STAG2: variants seen among roughly 807,000 people sequenced by gnomAD.
The protein encoded by STAG2 is STAG2 cohesin complex component, also known as cohesin subunit SA-2.
STAG2 carries 14 observed loss-of-function variants against 108.1 expected under a neutral mutation model. That is an observed-to-expected ratio of 0.13 (90% CI 0.09 to 0.20). STAG2 has a LOEUF of 0.20. STAG2 is among the 10% of genes least tolerant of loss of function. The probability of loss-of-function intolerance (pLI) is 1.00; values close to 1 mark genes in which losing one functional copy is unlikely to be tolerated. For synonymous variants in STAG2, 307 were observed against 302.7 expected, an observed-to-expected ratio of 1.01 and a Z score of -0.15; for missense variants, 440 against 940.9, an observed-to-expected ratio of 0.47 and a Z score of 6.96.
chrX:124,015,292 G>A (rs1309532521), intron 1 of STAG2, among the ~76,000 whole-genome samples: 1 of 106,552 alleles, frequency 9.4e-6, no homozygotes, highest in Non-Finnish European at 1.9e-5. Context: ...GGCCTAGTTT[G>A]AAGTATTTTC....
intron 1 of STAG2, among the ~76,000 whole-genome samples, chrX:123,965,073 A>G (rs767893120): frequency 4.5e-5 from 5 of 110,287 alleles, no homozygotes; most frequent in African/African-American, 1.7e-4. Context: ...AATCCAAAAC[A>G]ATGGATATTT....
At chrX:123,997,054 G>A (rs1456452275) in intron 1 of STAG2, among the ~76,000 whole-genome samples, 2 of 112,160 alleles carry the variant, frequency 1.8e-5, no homozygotes, top group Non-Finnish European at 3.8e-5. Context: ...ATGACCATAT[G>A]TGTGTAGGTC....
intron 29 of STAG2, among the ~76,000 whole-genome samples, chrX:124,084,117 C>T (rs1029752541): frequency 5.4e-5 from 6 of 111,851 alleles, no homozygotes; most frequent in African/African-American, 9.7e-5. Context: ...TTCTACCTTT[C>T]GCCATGGCTT....
Position 124,061,272 on chromosome X carries a change from A to C in STAG2, c.1465A>C (p.Thr489Pro). 1.7e-6 allele frequency: 2 copies of C among 1,210,826 alleles called. No homozygotes were observed. The highest frequency in any genetic ancestry group is 2.2e-6 in the Non-Finnish European group (2 of 894,933). ...TGTGGATAGCATGTGGGACTGTGCTACTGAGCTGCTGAAAGACTGGGAATG... is the reference window on the plus strand; with the variant it reads ...TGTGGATAGCATGTGGGACTGTGCTCCTGAGCTGCTGAAAGACTGGGAATG... ...YLVDSMWDCA[T>P]ELLKDWECMN... The change falls in exon 16 of 35, where the codon ACT (threonine) becomes CCT (proline). Residue 489 changes from threonine (T) to proline (P), a missense_variant. Coordinates refer to ENST00000371145, the MANE Select transcript of STAG2 (RefSeq NM_001042750.2).
chrX:124,049,329 T>C (rs2057969279), intron 10 of STAG2, among the ~76,000 whole-genome samples: 2 of 111,575 alleles, frequency 1.8e-5, no homozygotes, highest in Admixed American at 9.5e-5. Context: ...CTATTTGGAG[T>C]TGGGCTACAC....
intron 9 of STAG2, 62 bp from the exon 10 acceptor site, chrX:124,048,943 T>TA: frequency 1.1e-6 from 1 of 946,833 alleles, no homozygotes. Flanking sequence ...TGTAACAACT[T>TA]ACAGGTGTTC....
chrX:123,997,128 G>A (rs949934502), intron 1 of STAG2, among the ~76,000 whole-genome samples: 6 of 111,654 alleles, frequency 5.4e-5, no homozygotes, highest in African/African-American at 9.8e-5. Flanking sequence ...CTGTCTTACC[G>A]TAGCTTTATA....
chrX:124,068,459 TTAA>T (rs1306248006), intron 23 of STAG2, 102 bp from the exon 24 acceptor site: 13 of 444,779 alleles, frequency 2.9e-5, no homozygotes, highest in East Asian at 1.3e-4. Flanking sequence ...AGAAGTAGAG[TTAA>T]TAAAGCTATG....
intron 1 of STAG2, among the ~76,000 whole-genome samples, chrX:123,972,431 C>T (rs1345959009): frequency 2.8e-5 from 3 of 108,821 alleles, no homozygotes; most frequent in African/African-American, 3.3e-5. Flanking sequence ...CCACCATGGC[C>T]GGCTAATTTT....
At position 124,051,212 on chromosome X, in the gene STAG2, G is replaced by C. The variant is rs777011872; in HGVS notation, c.1109G>C (p.Arg370Pro). The change falls in exon 12 of 35, where the codon CGG becomes CCG. Residue 370 changes from arginine to proline, a missense_variant. By Grantham distance (103) the Arg-to-Pro change is moderately radical (BLOSUM62 -2). Transcript: ENST00000371145. Reference sequence around the variant, plus strand: ...TCCAAACTGGAACTTTTTACCAGTCGGTTCAAGGTTAGTATTACTTAAGAA... The same window carrying C: ...TCCAAACTGGAACTTTTTACCAGTCCGTTCAAGGTTAGTATTACTTAAGAA... The part of the protein sequence containing the change: ...LNSKLELFTS[R>P]FKDRIVSMTL... 1 of 1,169,686 alleles carries C rather than the reference G, an allele frequency of 8.5e-7. No individual in the cohort carries two copies. The highest frequency in any genetic ancestry group is 1.8e-5 in the African/African-American group (1 of 54,427).
At chrX:124,005,111 G>C (rs1291234448) in intron 1 of STAG2, among the ~76,000 whole-genome samples, 4 of 111,473 alleles carry the variant, frequency 3.6e-5, no homozygotes, top group African/African-American at 6.5e-5. Context: ...TAATATAAAT[G>C]CCGTGTAAAT....
At chrX:123,972,668 G>T (rs901212512) in intron 1 of STAG2, among the ~76,000 whole-genome samples, 2 of 108,998 alleles carry the variant, frequency 1.8e-5, no homozygotes, top group African/African-American at 6.7e-5. Context: ...GGAATTTGTG[G>T]CCTGTGTAGT....
chrX:123,978,058 G>A (rs1331684695), intron 1 of STAG2, among the ~76,000 whole-genome samples: 3 of 108,466 alleles, frequency 2.8e-5, no homozygotes, highest in Non-Finnish European at 5.7e-5. Flanking sequence ...TGCTTAGGCT[G>A]GTTTTGAACT....
intron 1 of STAG2, among the ~76,000 whole-genome samples, chrX:124,017,894 A>G (rs1397126879): frequency 8.9e-6 from 1 of 112,160 alleles, no homozygotes; most frequent in Non-Finnish European, 1.9e-5. Context: ...TTAGAATTAG[A>G]AATAACGCGA....
intron 4 of STAG2, among the ~76,000 whole-genome samples, 184 bp downstream of exon 4, chrX:124,026,102 A>G (rs1378417337): frequency 3.0e-5 from 3 of 100,244 alleles, no homozygotes; most frequent in African/African-American, 1.1e-4. Context: ...AGCCTTTGGG[A>G]TCTATTTACA....
intron 26 of STAG2, 53 bp from the exon 27 acceptor site, chrX:124,077,904 T>C (rs1176818112): frequency 3.3e-5 from 28 of 858,933 alleles, no homozygotes; most frequent in African/African-American, 4.2e-5. Context: ...ATTTGTCTTA[T>C]TGTCAAGTAG....
intron 25 of STAG2, among the ~76,000 whole-genome samples, chrX:124,074,213 G>T (rs1035850137): frequency 2.7e-5 from 3 of 112,489 alleles, no homozygotes; most frequent in African/African-American, 6.4e-5. Context: ...TGCACCCAGT[G>T]CAGTTTTCCT....
intron 1 of STAG2, among the ~76,000 whole-genome samples, chrX:123,989,706 G>A (rs779535512): frequency 1.9e-5 from 2 of 107,086 alleles, no homozygotes; most frequent in East Asian, 5.8e-4. Flanking sequence ...CCGTGTTCAA[G>A]CAGTTCTCTG....
intron 13 of STAG2, 114 bp downstream of exon 13, chrX:124,051,508 G>T: frequency 2.2e-6 from 1 of 446,672 alleles, no homozygotes; most frequent in East Asian, 4.2e-5. Flanking sequence ...CGTCATGGAG[G>T]TTTACAGCTA....
Sources: allele counts gnomAD v4.1 joint callset (sites outside exome capture counted in the v4.1 genomes callset), GRCh38; gene constraint gnomAD v4.1.1; transcripts MANE v1.5; gene names NCBI Gene and HGNC (gene_info 2026-07-23, HGNC 2026-07-21).